The following KCNJ16 variants were observed in gnomAD, a reference collection of about 807,000 sequenced individuals.
KCNJ16 encodes potassium inwardly rectifying channel subfamily J member 16.
A neutral mutation model predicts 18.5 loss-of-function variants in KCNJ16; 15 were observed. The ratio of observed to expected loss-of-function variants is 0.81; its 90% CI spans 0.54 to 1.25. KCNJ16 has a LOEUF of 1.25. Ranked by LOEUF, KCNJ16 falls within the 50% of genes most tolerant of loss-of-function variation. KCNJ16 has a pLI of 0.00. For missense variants in KCNJ16, 523 were observed against 525.7 expected, an observed-to-expected ratio of 0.99 and a Z score of 0.05; for synonymous variants, 174 against 186.5, an observed-to-expected ratio of 0.93 and a Z score of 0.55.
intron 1 of KCNJ16, among the ~76,000 whole-genome samples, chr17:70,085,776 C>T (rs923824461): frequency 6.6e-6 from 1 of 152,044 alleles, no homozygotes; most frequent in Non-Finnish European, 1.5e-5. Flanking sequence ...ATAAAAAAAG[C>T]AAACCACAGA....
chr17:70,101,715 G>A (rs2072630672), intron 2 of KCNJ16: 1 of 152,092 alleles, frequency 6.6e-6, no homozygotes, highest in Admixed American at 6.5e-5. Context: ...GAGTAGCTGG[G>A]ATTACAGGTG....
chr17:70,110,371 C>T (rs1834814645), intron 2 of KCNJ16, among the ~76,000 whole-genome samples: 1 of 152,094 alleles, frequency 6.6e-6, no homozygotes, highest in South Asian at 2.1e-4. Context: ...TGAAAACAGC[C>T]TTTGGTCCTT....
intron 1 of KCNJ16, among the ~76,000 whole-genome samples, chr17:70,088,987 C>T (rs1303655159): frequency 2.0e-5 from 3 of 152,134 alleles, no homozygotes; most frequent in Admixed American, 1.3e-4. Flanking sequence ...GATTTTAAAA[C>T]TTAATGAGAA....
chr17:70,093,399 T>C (rs1040912348), intron 1 of KCNJ16, among the ~76,000 whole-genome samples: 2 of 152,194 alleles, frequency 1.3e-5, no homozygotes, highest in African/African-American at 2.4e-5. Context: ...GCAATTCATC[T>C]TCACCTGAAT....
At chr17:70,131,850 A>C (rs558321172) in intron 3 of KCNJ16, 145 bp from the exon 4 acceptor site, 91 of 685,918 alleles carry the variant, frequency 1.3e-4, no homozygotes, top group Middle Eastern at 4.0e-4. Flanking sequence ...TCTAAACTGA[A>C]ATGAGTAATC....
At chr17:70,076,427 G>C (rs2071311472) in intron 1 of KCNJ16, among the ~76,000 whole-genome samples, 1 of 105,382 alleles carries the variant, frequency 9.5e-6, no homozygotes, top group East Asian at 3.2e-4. Flanking sequence ...ATTTAAAAGT[G>C]AACAAGGTCC....
Position 70,132,267 on chromosome 17 carries a change from C to T in KCNJ16, c.180C>T (p.Asp60=), listed in dbSNP as rs767117077. 1.2e-6 allele frequency: 2 copies of T among 1,614,120 alleles called. No individual in the cohort carries two copies. The highest frequency in any genetic ancestry group is 1.3e-5 in the African/African-American group (1 of 74,956). The change falls in exon 4 of 4, where the codon GAC becomes GAT. Residue 60 remains aspartate (D), a synonymous_variant. Coordinates refer to ENST00000392671, the MANE Select transcript of KCNJ16 (RefSeq NM_170741.4). ...GAGAATGGGGAAGCTATGTGGTTGACATCTTCACCACTCTTGTGGACACCA... is the reference window on the plus strand; with the variant it reads ...GAGAATGGGGAAGCTATGTGGTTGATATCTTCACCACTCTTGTGGACACCA... ...IFGEWGSYVV[D]IFTTLVDTKW...
At chr17:70,114,820 A>G (rs1053216041) in intron 2 of KCNJ16, among the ~76,000 whole-genome samples, 9 of 152,182 alleles carry the variant, frequency 5.9e-5, no homozygotes, top group Non-Finnish European at 1.3e-4. Context: ...TCTACACTTG[A>G]AAGATGATAT....
intron 1 of KCNJ16, among the ~76,000 whole-genome samples, chr17:70,092,507 T>C (rs1046931906): frequency 2.6e-5 from 1 of 38,244 alleles, no homozygotes; most frequent in African/African-American, 9.7e-5. Flanking sequence ...GATAGATAGA[T>C]AGATAGATAG....
chr17:70,123,960 C>T (rs961140302), intron 2 of KCNJ16, among the ~76,000 whole-genome samples: 1 of 152,182 alleles, frequency 6.6e-6, no homozygotes, highest in African/African-American at 2.4e-5. Context: ...TGATAAAATG[C>T]AGATGCGTTC....
chr17:70,114,374 C>G (rs1464754927), intron 2 of KCNJ16, among the ~76,000 whole-genome samples: 1 of 152,124 alleles, frequency 6.6e-6, no homozygotes, highest in Non-Finnish European at 1.5e-5. Context: ...AAAATAGCAA[C>G]AGAGAGACAG....
At chr17:70,083,755 G>C (rs573887650) in intron 1 of KCNJ16, among the ~76,000 whole-genome samples, 2 of 152,094 alleles carry the variant, frequency 1.3e-5, no homozygotes, top group African/African-American at 4.8e-5. Flanking sequence ...ATAAAAATTT[G>C]ACTTTACACA....
rs370467703 is a variant in KCNJ16 at position 70,075,934 on chromosome 17, T to C, written c.-300+544T>C. ...AACATAAATTGAAAGTGAAGAATTTTCTCCTTTTGTTTTCACCTTAATCCC... is the reference window on the plus strand; with the variant it reads ...AACATAAATTGAAAGTGAAGAATTTCCTCCTTTTGTTTTCACCTTAATCCC... On this transcript the variant is annotated intron_variant, in intron 1 of 3. Coordinates refer to ENST00000392671, the MANE Select transcript of KCNJ16 (RefSeq NM_170741.4). Among the ~76,000 whole-genome samples, 639 of 151,260 alleles carry C rather than the reference T, an allele frequency of 4.2e-3. 2 individuals carry two copies. The highest frequency in any genetic ancestry group is 0.02 in the South Asian group (95 of 4,794).
At chr17:70,119,907 C>G (rs1220776908) in intron 2 of KCNJ16, among the ~76,000 whole-genome samples, 3 of 152,192 alleles carry the variant, frequency 2.0e-5, no homozygotes, top group Non-Finnish European at 2.9e-5. Flanking sequence ...CCCCAAAAAG[C>G]CTTTCCTTTT....
intron 2 of KCNJ16, among the ~76,000 whole-genome samples, chr17:70,120,742 G>C (rs1043170762): frequency 6.6e-6 from 1 of 152,200 alleles, no homozygotes; most frequent in African/African-American, 2.4e-5. Flanking sequence ...TGAGAGATCT[G>C]TCTGCATGAT....
chr17:70,110,568 C>A, intron 2 of KCNJ16, among the ~76,000 whole-genome samples: 1 of 152,150 alleles, frequency 6.6e-6, no homozygotes, highest in East Asian at 1.9e-4. Flanking sequence ...CAGCTTCTGG[C>A]TGCAGAAGGA....
At position 70,133,364 on chromosome 17, in the gene KCNJ16, G is replaced by A. The variant is rs1299146518; in HGVS notation, c.*20G>A. 1.3e-6 allele frequency: 2 copies of A among 1,581,384 alleles called. No homozygotes were observed. Among genetic ancestry groups the A allele is most frequent in the Non-Finnish European group, 8.6e-7 (1 of 1,160,914 alleles). ...ATGTAGTCCTAAATTGCAATTATGA[G>A]GGCTACCACTGAATCATTTTATCTT... is the stretch of plus-strand genomic sequence containing the variant. On this transcript the variant is annotated 3_prime_UTR_variant, in exon 4 of 4. Transcript: ENST00000392671.
rs1201851411 is a variant in KCNJ16, at chr17:70,134,372, A to G, written c.*1028A>G. 1 of 167,076 alleles carries G rather than the reference A, an allele frequency of 6.0e-6. No individual in the cohort carries two copies. Among genetic ancestry groups the G allele is most frequent in the Non-Finnish European group, 1.5e-5 (1 of 68,128 alleles). The allele number at this position is 167,076 out of a possible 1,614,324, so 10.3% of individuals were successfully genotyped here. On this transcript the variant is annotated 3_prime_UTR_variant, in exon 4 of 4. Coordinates refer to ENST00000392671, the MANE Select transcript of KCNJ16 (RefSeq NM_170741.4). ...GTTATGTATGCTTCTTGTCTTGGTT[A>G]CTGTACAAGATACAAATGACTCGAG...
intron 2 of KCNJ16, among the ~76,000 whole-genome samples, chr17:70,129,429 T>A (rs559912110): frequency 6.6e-6 from 1 of 152,314 alleles, no homozygotes; most frequent in South Asian, 2.1e-4. Flanking sequence ...CTAGTTAGTG[T>A]GACAAAAAGG....
Sources: allele counts gnomAD v4.1 joint callset (sites outside exome capture counted in the v4.1 genomes callset), GRCh38; gene constraint gnomAD v4.1.1; transcripts MANE v1.5; gene names NCBI Gene and HGNC (gene_info 2026-07-23, HGNC 2026-07-21).